The following CNTNAP5 variants were observed in gnomAD, a reference collection of about 807,000 sequenced individuals.
CNTNAP5 encodes the protein contactin associated protein family member 5.
CNTNAP5 carries 72 observed loss-of-function variants against 150.2 expected under a neutral mutation model. The ratio of observed to expected loss-of-function variants is 0.48; its 90% CI spans 0.40 to 0.58. The LOEUF (loss-of-function observed/expected upper bound fraction) is 0.58. CNTNAP5 is among the 20% of genes least tolerant of loss of function. CNTNAP5 has a pLI of 0.00. For missense variants in CNTNAP5, 1,636 were observed against 1,626.2 expected (o/e 1.01, Z -0.10); for synonymous variants, 672 against 619.8 (o/e 1.08, Z -1.25).
chr2:124,087,328 T>A (rs1398666161), intron 1 of CNTNAP5, among the ~76,000 whole-genome samples: 1 of 151,918 alleles, frequency 6.6e-6, no homozygotes, highest in Non-Finnish European at 1.5e-5. Context: ...TTCTTTCTAT[T>A]TAGATAATAG....
In CNTNAP5 at chr2:124,648,640, A is replaced by C. The variant is rs191571047; in HGVS notation, c.2077+682A>C. Among the ~76,000 whole-genome samples, 337 of 152,362 alleles carry C rather than the reference A, an allele frequency of 2.2e-3. 2 individuals are homozygous for C. Among genetic ancestry groups the C allele is most frequent in the African/African-American group, 7.6e-3 (315 of 41,594 alleles). The stretch of plus-strand genomic sequence containing the variant: ...TTATTAACATGCTTTGAAAAGGAAA[A>C]AAAACAAAACAAAACACAACAACAA... On this transcript the variant is annotated intron_variant, in intron 13 of 23. Coordinates refer to ENST00000682447, the MANE Select transcript of CNTNAP5 (RefSeq NM_001367498.1).
At chr2:124,042,568 A>G (rs1239964563) in intron 1 of CNTNAP5, among the ~76,000 whole-genome samples, 1 of 152,146 alleles carries the variant, frequency 6.6e-6, no homozygotes, top group African/African-American at 2.4e-5. Context: ...TGGACTAGGA[A>G]CTGCAAAGGT....
chr2:124,650,539 C>T (rs576809181), intron 13 of CNTNAP5, among the ~76,000 whole-genome samples: 1 of 152,266 alleles, frequency 6.6e-6, no homozygotes, highest in East Asian at 1.9e-4. Flanking sequence ...CACTCATTCC[C>T]TTCCCAAGAG....
chr2:124,074,388 G>C (rs536872471), intron 1 of CNTNAP5, among the ~76,000 whole-genome samples: 2 of 152,142 alleles, frequency 1.3e-5, no homozygotes, highest in African/African-American at 4.8e-5. Flanking sequence ...TGAAGGGATG[G>C]CTGCCTCAGT....
intron 19 of CNTNAP5, among the ~76,000 whole-genome samples, chr2:124,843,996 G>A (rs1226112291): frequency 6.6e-6 from 1 of 152,014 alleles, no homozygotes; most frequent in Admixed American, 6.6e-5. Flanking sequence ...CTCTGCAGAA[G>A]CTTTTTAGTT....
chr2:124,873,406 C>A (rs566167807), intron 21 of CNTNAP5, among the ~76,000 whole-genome samples: 2 of 152,116 alleles, frequency 1.3e-5, no homozygotes, highest in East Asian at 1.9e-4. Context: ...AGATACAAAC[C>A]ATATCAAATA....
chr2:124,570,147 C>T (rs1237311712), intron 11 of CNTNAP5, among the ~76,000 whole-genome samples: 3 of 152,154 alleles, frequency 2.0e-5, no homozygotes, highest in Non-Finnish European at 4.4e-5. Context: ...TAATCCCTGA[C>T]ACATAGTAGA....
chr2:124,742,285 G>T (rs1680511843), intron 13 of CNTNAP5, among the ~76,000 whole-genome samples: 2 of 152,132 alleles, frequency 1.3e-5, no homozygotes, highest in Admixed American at 1.3e-4. Context: ...TAAAATTGGG[G>T]AAGAATTTAG....
At chr2:124,706,985 GAGA>G (rs1679677003) in intron 13 of CNTNAP5, among the ~76,000 whole-genome samples, 1 of 91,570 alleles carries the variant, frequency 1.1e-5, no homozygotes, top group Non-Finnish European at 2.2e-5. Flanking sequence ...GAGTAAGAAG[GAGA>G]AGGAGAAGAG....
intron 1 of CNTNAP5, among the ~76,000 whole-genome samples, chr2:124,035,176 G>C (rs983324027): frequency 3.3e-5 from 5 of 151,968 alleles, no homozygotes; most frequent in African/African-American, 7.3e-5. Context: ...CAAAACAAAA[G>C]GTAACTGTAC....
rs574359037 is a variant in CNTNAP5, at chr2:124,727,336, A to G, written c.2078-19893A>G. ...TCTTTTGTGGTTCCTTATAAATTGTAGAATCATTTTTTCCTTTTTTGTGTG... is the reference window on the plus strand; with the variant it reads ...TCTTTTGTGGTTCCTTATAAATTGTGGAATCATTTTTTCCTTTTTTGTGTG... On this transcript the variant is annotated intron_variant, in intron 13 of 23. Coordinates refer to ENST00000682447, the MANE Select transcript of CNTNAP5 (RefSeq NM_001367498.1). Among the ~76,000 whole-genome samples the G allele has an allele frequency of 5.9e-5, 9 of 152,128 alleles. No individual in the cohort carries two copies. The South Asian group carries it at 1.0e-3, about 17-fold the overall frequency.
At chr2:124,133,425 A>G (rs1683906571) in intron 1 of CNTNAP5, among the ~76,000 whole-genome samples, 2 of 152,266 alleles carry the variant, frequency 1.3e-5, no homozygotes, top group South Asian at 4.1e-4. Context: ...AGTCTGAAGG[A>G]GTTCTATGGT....
At chr2:124,147,829 C>T (rs1035179029) in intron 1 of CNTNAP5, among the ~76,000 whole-genome samples, 2 of 152,198 alleles carry the variant, frequency 1.3e-5, no homozygotes, top group African/African-American at 4.8e-5. Flanking sequence ...CAAGATAATG[C>T]ACGTCCTTAA....
chr2:124,623,396 T>C (rs1451714894), intron 12 of CNTNAP5, among the ~76,000 whole-genome samples: 2 of 152,306 alleles, frequency 1.3e-5, no homozygotes, highest in East Asian at 1.9e-4. Context: ...TTGAAGGGCA[T>C]GGTTGTGAAT....
chr2:124,514,311 T>C (rs778617187), intron 8 of CNTNAP5, among the ~76,000 whole-genome samples: 1 of 152,376 alleles, frequency 6.6e-6, no homozygotes, highest in East Asian at 1.9e-4. Context: ...ATAATGACAA[T>C]GGAGACATTG....
intron 3 of CNTNAP5, among the ~76,000 whole-genome samples, chr2:124,336,578 T>A (rs1689475851): frequency 7.5e-6 from 1 of 132,854 alleles, no homozygotes; most frequent in Non-Finnish European, 1.5e-5. Context: ...CCTGTGTCCA[T>A]GTGCTCTCAT....
At position 124,541,904 on chromosome 2, in the gene CNTNAP5, C is replaced by A. The variant is rs141305619; in HGVS notation, c.1649+14448C>A. On this transcript the variant is annotated intron_variant, in intron 10 of 23. Transcript: ENST00000682447. ...GCATTAAAATGTCTATTTGCAACCACTGCATTCTCCATGTCATAGTGGATT... is the reference window on the plus strand; with the variant it reads ...GCATTAAAATGTCTATTTGCAACCAATGCATTCTCCATGTCATAGTGGATT... Among the ~76,000 whole-genome samples, 769 of 152,266 alleles carry A rather than the reference C, an allele frequency of 5.1e-3. 4 individuals carry two copies. Among genetic ancestry groups the A allele is most frequent in the African/African-American group, 0.017 (718 of 41,542 alleles).
chr2:124,464,856 C>A (rs1172562918), intron 6 of CNTNAP5, among the ~76,000 whole-genome samples: 1 of 152,102 alleles, frequency 6.6e-6, no homozygotes, highest in Non-Finnish European at 1.5e-5. Context: ...TCAGCAAACA[C>A]CCAGCCAGTG....
rs562176016 is a variant in CNTNAP5, at chr2:124,156,724, G to A, written c.83-64981G>A. Among the ~76,000 whole-genome samples the A allele has an allele frequency of 2.5e-4, 38 of 152,212 alleles. No homozygotes were observed. In the South Asian group the frequency reaches 5.0e-3, roughly 20 times the overall value. ...TGGCCAGGCTGGTCACCTCACCTTAGGTGATCCACCCACCTCGGCCTCCCA... is the reference window on the plus strand; with the variant it reads ...TGGCCAGGCTGGTCACCTCACCTTAAGTGATCCACCCACCTCGGCCTCCCA... On this transcript the variant is annotated intron_variant, in intron 1 of 23. Transcript: ENST00000682447.
Sources: allele counts gnomAD v4.1 joint callset (sites outside exome capture counted in the v4.1 genomes callset), GRCh38; gene constraint gnomAD v4.1.1; transcripts MANE v1.5; gene names NCBI Gene and HGNC (gene_info 2026-07-23, HGNC 2026-07-21).